Variants in VAV3 observed in about 807,000 individuals in gnomAD.
VAV3 encodes guanine nucleotide exchange factor VAV3.
VAV3 carries 94 observed loss-of-function variants against 131.2 expected under a neutral mutation model. The observed-to-expected ratio is 0.72, with a 90% CI of 0.61 to 0.85. The LOEUF (loss-of-function observed/expected upper bound fraction) is 0.85. VAV3 is among the 40% of genes least tolerant of loss of function. VAV3 has a pLI of 0.00. For missense variants in VAV3, 939 were observed against 1,002.7 expected, an observed-to-expected ratio of 0.94 and a Z score of 0.86; for synonymous variants, 349 against 342.0, an observed-to-expected ratio of 1.02 and a Z score of -0.22.
At chr1:107,589,002 CT>C (rs554418371) in intron 25 of VAV3, among the ~76,000 whole-genome samples, 13 of 151,514 alleles carry the variant, frequency 8.6e-5, no homozygotes, top group South Asian at 6.3e-4. Context: ...ATTGAAAACA[CT>C]TTTTTTTTGT....
intron 4 of VAV3, among the ~76,000 whole-genome samples, chr1:107,775,188 G>A (rs1665283190): frequency 2.0e-5 from 3 of 147,972 alleles, no homozygotes; most frequent in Non-Finnish European, 3.0e-5. Flanking sequence ...ATCCTCACTG[G>A]ATTTATCCTG....
intron 19 of VAV3, among the ~76,000 whole-genome samples, chr1:107,664,345 C>A (rs1465146691): frequency 6.8e-6 from 1 of 147,174 alleles, no homozygotes; most frequent in East Asian, 2.0e-4. Context: ...TGCTCTCCCT[C>A]CCCAACCCCC....
intron 1 of VAV3, among the ~76,000 whole-genome samples, chr1:107,875,989 A>C (rs1670477386): frequency 6.6e-6 from 1 of 152,324 alleles, no homozygotes; most frequent in East Asian, 1.9e-4. Context: ...ACACTGGCTG[A>C]AATGACTGTG....
chr1:107,883,049 T>C (rs548768067), intron 1 of VAV3, among the ~76,000 whole-genome samples: 3 of 152,350 alleles, frequency 2.0e-5, no homozygotes, highest in East Asian at 3.9e-4. Context: ...GTTTTGATTA[T>C]TGTCCAGGCC....
At chr1:107,631,724 G>A (rs901054915) in intron 20 of VAV3, among the ~76,000 whole-genome samples, 10 of 146,650 alleles carry the variant, frequency 6.8e-5, no homozygotes, top group Non-Finnish European at 8.9e-5. Flanking sequence ...GAGAACATGC[G>A]GTGTTTGGTT....
rs543678816 is a variant in VAV3 at position 107,922,809 on chromosome 1, G to A, written c.204+41857C>T. On this transcript the variant is annotated intron_variant, in intron 1 of 26. Coordinates refer to ENST00000370056, the MANE Select transcript of VAV3 (RefSeq NM_006113.5). ...CTACTAAAAATACAAAAAATTAGCC[G>A]GGCGTGGTGGCGGGCGCCTGTAGTC... Among the ~76,000 whole-genome samples the A allele has an allele frequency of 3.3e-3, 501 of 151,994 alleles. 2 individuals are homozygous for A. The highest frequency in any genetic ancestry group is 6.0e-3 in the Non-Finnish European group (405 of 67,952).
At position 107,777,324 on chromosome 1, in the gene VAV3, A is replaced by T. The variant is rs906592239; in HGVS notation, c.381-28T>A. On this transcript the variant is annotated intron_variant, in intron 3 of 26. Transcript: ENST00000370056. ...AGGAAGAGGAGAAAAAACAAAAACA[A>T]AAAAACAAACCCATGAGTGAACGAG... The T allele has an allele frequency of 4.4e-6, 7 of 1,606,322 alleles. No individual in the cohort carries two copies. The African/African-American group carries it at 9.4e-5, about 22-fold the overall frequency.
intron 19 of VAV3, among the ~76,000 whole-genome samples, chr1:107,643,558 C>CAA: frequency 6.6e-6 from 1 of 152,216 alleles, no homozygotes; most frequent in Non-Finnish European, 1.5e-5. Flanking sequence ...TAAGAGAGGT[C>CAA]CACTCATAAA....
chr1:107,790,962 A>G (rs1459520525), intron 2 of VAV3, among the ~76,000 whole-genome samples: 1 of 152,042 alleles, frequency 6.6e-6, no homozygotes, highest in Non-Finnish European at 1.5e-5. Context: ...CTGGGATTAC[A>G]GGAGTGAGCC....
At chr1:107,717,579 T>C (rs1661186954) in intron 15 of VAV3, among the ~76,000 whole-genome samples, 1 of 152,220 alleles carries the variant, frequency 6.6e-6, no homozygotes, top group African/African-American at 2.4e-5. Flanking sequence ...GAGTTCTAAT[T>C]TGATTGCACT....
Position 107,720,753 on chromosome 1 carries a change from T to A in VAV3, c.1503-15692A>T, listed in dbSNP as rs184730000. ...ACAGGTTATGAAGATACGTATCCTC[T>A]ACGAGCCTGCCATAAAGTTGAAGAG... On this transcript the variant is annotated intron_variant, in intron 15 of 26. Coordinates refer to ENST00000370056, the MANE Select transcript of VAV3 (RefSeq NM_006113.5). 5.0e-3 allele frequency among the ~76,000 whole-genome samples: 760 copies of A among 152,268 alleles called. 6 individuals carry two copies. The highest frequency in any genetic ancestry group is 5.3e-3 in the Non-Finnish European group (359 of 68,018).
intron 25 of VAV3, among the ~76,000 whole-genome samples, chr1:107,577,481 G>C (rs1347646526): frequency 1.3e-5 from 2 of 152,182 alleles, no homozygotes; most frequent in Non-Finnish European, 2.9e-5. Flanking sequence ...TGTTTGCCTA[G>C]AGAGAAGGCT....
rs1020390609 is a variant in VAV3, at chr1:107,785,738, T to C, written c.322-6246A>G. 4 of 865,666 alleles carry C rather than the reference T, an allele frequency of 4.6e-6. No homozygotes were observed. In the South Asian group the frequency reaches 1.1e-4, roughly 25 times the overall value. 53.6% of individuals were successfully genotyped at this position (865,666 alleles called of 1,614,324 possible). The stretch of plus-strand genomic sequence containing the variant: ...GAGAAATTCAGACAGAAGCATAGTC[T>C]GTAGACCAGGTCAACTGCAAGCTAG... On this transcript the variant is annotated intron_variant, in intron 2 of 26. Coordinates refer to ENST00000370056, the MANE Select transcript of VAV3 (RefSeq NM_006113.5).
intron 20 of VAV3, among the ~76,000 whole-genome samples, chr1:107,631,475 TTTATTTTATTA>T (rs901277199): frequency 7.5e-4 from 48 of 63,744 alleles, no homozygotes; most frequent in African/African-American, 2.3e-3. Context: ...CTTTTTTAAT[TTTATTTTATTA>T]TTATTATACT....
intron 2 of VAV3, among the ~76,000 whole-genome samples, chr1:107,842,729 A>G (rs778100355): frequency 4.6e-5 from 7 of 151,542 alleles, no homozygotes; most frequent in Non-Finnish European, 8.8e-5. Flanking sequence ...ACGCATTTTA[A>G]TTTTTCTTCT....
At chr1:107,851,171 CA>C (rs35609784) in intron 2 of VAV3, among the ~76,000 whole-genome samples, 16,585 of 68,418 alleles carry the variant, frequency 0.24, 750 homozygotes, top group Admixed American at 0.29. Context: ...GACTCCGTCT[CA>C]AAAAAAAAAA....
chr1:107,942,911 A>T (rs1189932075), intron 1 of VAV3, among the ~76,000 whole-genome samples: 1 of 152,220 alleles, frequency 6.6e-6, no homozygotes, highest in East Asian at 1.9e-4. Flanking sequence ...TCCATGACCT[A>T]ATGGCCAGAA....
chr1:107,640,532 T>C (rs1322746145), intron 20 of VAV3, among the ~76,000 whole-genome samples: 2 of 152,180 alleles, frequency 1.3e-5, no homozygotes, highest in African/African-American at 4.8e-5. Flanking sequence ...CTTTTAGGGA[T>C]GATATTGGAT....
At position 107,760,681 on chromosome 1, in the gene VAV3, G is replaced by A. The variant is rs376529316; in HGVS notation, c.1017+103C>T. On this transcript the variant is annotated intron_variant, in intron 10 of 26. Coordinates refer to ENST00000370056, the MANE Select transcript of VAV3 (RefSeq NM_006113.5). ...TAATAATAATTCAAAATTTTAAGGG[G>A]ATTGGGCCCAACACATGGAATATCT... The A allele has an allele frequency of 6.0e-5, 49 of 817,002 alleles. 1 individual carries two copies. The South Asian group carries it at 9.3e-4, about 15-fold the overall frequency. 50.6% of individuals were successfully genotyped at this position (817,002 alleles called of 1,614,324 possible).
Sources: allele counts gnomAD v4.1 joint callset (sites outside exome capture counted in the v4.1 genomes callset), GRCh38; gene constraint gnomAD v4.1.1; transcripts MANE v1.5; gene names NCBI Gene and HGNC (gene_info 2026-07-23, HGNC 2026-07-21).